SLC35D4: variants seen among roughly 807,000 people sequenced by gnomAD.
SLC35D4 encodes UDP-N-acetylglucosamine transporter SLC35D4.
the SLC35D4 span, among the ~76,000 whole-genome samples, chr18:23,381,134 T>C: frequency 2.2e-4 from 33 of 152,284 alleles, no homozygotes; most frequent in African/African-American, 7.7e-4. Flanking sequence ...TAACGCTAAA[T>C]TGCTAAAAAC....
At chr18:23,325,155 C>A in the SLC35D4 span, among the ~76,000 whole-genome samples, 2 of 152,090 alleles carry the variant, frequency 1.3e-5, no homozygotes, top group Non-Finnish European at 2.9e-5. Context: ...GACCCATCCC[C>A]ATCTCTGGAT....
the SLC35D4 span, among the ~76,000 whole-genome samples, chr18:23,350,437 C>T: frequency 6.6e-6 from 1 of 152,282 alleles, no homozygotes; most frequent in East Asian, 1.9e-4. Flanking sequence ...TTCACATCTG[C>T]CCTGGCTTTT....
chr18:23,415,167 T>C, the SLC35D4 span, among the ~76,000 whole-genome samples: 1 of 152,092 alleles, frequency 6.6e-6, no homozygotes, highest in Non-Finnish European at 1.5e-5. Flanking sequence ...CCCTAAATGA[T>C]TGGTTAACTG....
chr18:23,403,288 T>C, the SLC35D4 span, among the ~76,000 whole-genome samples: 7 of 152,096 alleles, frequency 4.6e-5, no homozygotes, highest in Admixed American at 3.3e-4. Context: ...ATAAAATAAA[T>C]GAAAACACTA....
chr18:23,269,682 G>A, the SLC35D4 span, among the ~76,000 whole-genome samples: 1 of 152,210 alleles, frequency 6.6e-6, no homozygotes, highest in East Asian at 1.9e-4. Context: ...TGACCAAAAT[G>A]CTGATAGTGA....
chr18:23,354,677 T>G, the SLC35D4 span, among the ~76,000 whole-genome samples: 3 of 152,092 alleles, frequency 2.0e-5, no homozygotes, highest in Non-Finnish European at 4.4e-5. Flanking sequence ...CAGACTTCCT[T>G]TCCCTCGAGT....
At chr18:23,294,214 C>T in the SLC35D4 span, among the ~76,000 whole-genome samples, 2 of 152,074 alleles carry the variant, frequency 1.3e-5, no homozygotes, top group African/African-American at 4.8e-5. Context: ...AAACCCAAAT[C>T]CCAAGGCTCT....
the SLC35D4 span, among the ~76,000 whole-genome samples, chr18:23,335,597 C>T: frequency 7.2e-5 from 11 of 152,292 alleles, no homozygotes; most frequent in East Asian, 2.1e-3. Context: ...GGGTATATCA[C>T]AGGAAAATGG....
At chr18:23,348,869 CA>C in the SLC35D4 span, among the ~76,000 whole-genome samples, 3 of 152,320 alleles carry the variant, frequency 2.0e-5, no homozygotes, top group East Asian at 5.8e-4. Flanking sequence ...CTGCTAGCAA[CA>C]AATCTCTTAG....
chr18:23,336,995 C>T, the SLC35D4 span, among the ~76,000 whole-genome samples: 3 of 148,494 alleles, frequency 2.0e-5, no homozygotes, highest in South Asian at 6.3e-4. Flanking sequence ...TCTATGATTT[C>T]CCCTGTAGTG....
At chr18:23,378,322 C>G in the SLC35D4 span, among the ~76,000 whole-genome samples, 1 of 152,052 alleles carries the variant, frequency 6.6e-6, no homozygotes. Flanking sequence ...CAGGCGTGAG[C>G]CACTGCACCC....
the SLC35D4 span, among the ~76,000 whole-genome samples, chr18:23,420,433 GTGCAATCACAGCAAAC>G: frequency 6.6e-6 from 1 of 152,000 alleles, no homozygotes; most frequent in East Asian, 1.9e-4. Flanking sequence ...GAGTGCTGTG[GTGCAATCACAGCAAAC>G]TGCAGCCTTG....
the SLC35D4 span, among the ~76,000 whole-genome samples, chr18:23,245,961 A>G: frequency 6.6e-6 from 1 of 152,208 alleles, no homozygotes; most frequent in Non-Finnish European, 1.5e-5. Context: ...GCCTGGAGTT[A>G]GGTGGCATTG....
At chr18:23,305,950 C>A in the SLC35D4 span, among the ~76,000 whole-genome samples, 9 of 152,212 alleles carry the variant, frequency 5.9e-5, no homozygotes, top group Non-Finnish European at 1.2e-4. Context: ...CAGCCCAAAG[C>A]CACACAAGAT....
chr18:23,282,859 G>A, the SLC35D4 span, among the ~76,000 whole-genome samples: 1 of 152,224 alleles, frequency 6.6e-6, no homozygotes, highest in South Asian at 2.1e-4. Context: ...CCCCTTAAGG[G>A]TCATGAGTAG....
At chr18:23,398,922 T>C in the SLC35D4 span, among the ~76,000 whole-genome samples, 1 of 152,214 alleles carries the variant, frequency 6.6e-6, no homozygotes, top group Non-Finnish European at 1.5e-5. Context: ...CATTCCTGAT[T>C]TTTAAGCCAC....
chr18:23,434,828 G>A, the SLC35D4 span, among the ~76,000 whole-genome samples: 1 of 151,062 alleles, frequency 6.6e-6, no homozygotes, highest in African/African-American at 2.4e-5. Flanking sequence ...AAGGCCATGG[G>A]GCTCCAAAAA....
chr18:23,327,268 T>G, the SLC35D4 span, among the ~76,000 whole-genome samples: 1 of 152,146 alleles, frequency 6.6e-6, no homozygotes, highest in Non-Finnish European at 1.5e-5. Flanking sequence ...GGAGCTGGTT[T>G]TTTGAAAAGA....
chr18:23,265,556 C>CA, the SLC35D4 span, among the ~76,000 whole-genome samples: 3,020 of 98,228 alleles, frequency 0.031, 49 homozygotes, highest in African/African-American at 0.048. Context: ...ACATGGCTCT[C>CA]AAAAAAAAAA....
Sources: gnomAD v4.1 joint callset for allele counts (sites outside exome capture counted in the v4.1 genomes callset) on GRCh38, gnomAD v4.1.1 for gene constraint, MANE v1.5 for transcripts, NCBI Gene and HGNC (gene_info 2026-07-23, HGNC 2026-07-21) for gene names.